The following SMYD3 variants were observed in gnomAD, a reference collection of about 807,000 sequenced individuals.
SMYD3 encodes the protein histone-lysine N-methyltransferase SMYD3.
Under a neutral mutation model 57.7 loss-of-function variants are expected in SMYD3, and 36 were observed. That is an observed-to-expected ratio of 0.62 (90% CI 0.48 to 0.82). SMYD3 has a LOEUF of 0.82. SMYD3 is among the 40% of genes least tolerant of loss of function. The probability of loss-of-function intolerance (pLI) is 0.00; values close to 1 mark genes in which losing one functional copy is unlikely to be tolerated. For synonymous variants in SMYD3, 211 were observed against 195.0 expected, an observed-to-expected ratio of 1.08 and a Z score of -0.68; for missense variants, 515 against 538.8, an observed-to-expected ratio of 0.96 and a Z score of 0.44.
chr1:246,057,491 A>G (rs1338409362), intron 5 of SMYD3, among the ~76,000 whole-genome samples: 1 of 152,218 alleles, frequency 6.6e-6, no homozygotes, highest in Non-Finnish European at 1.5e-5. Context: ...GCAAATACGC[A>G]TATGAAAAGA....
chr1:246,451,776 C>T (rs2067636476), intron 1 of SMYD3, among the ~76,000 whole-genome samples: 1 of 152,162 alleles, frequency 6.6e-6, no homozygotes, highest in Admixed American at 6.5e-5. Context: ...CTCAATTTTG[C>T]TATGTAGTTA....
At chr1:245,779,165 G>GAAAAAA (rs369697643) in intron 10 of SMYD3, among the ~76,000 whole-genome samples, 2 of 126,538 alleles carry the variant, frequency 1.6e-5, no homozygotes, top group African/African-American at 2.6e-5. Context: ...GTCCCAAGGG[G>GAAAAAA]AAAAAAAAAA....
At chr1:246,304,602 C>T (rs576911893) in intron 5 of SMYD3, among the ~76,000 whole-genome samples, 56 of 152,228 alleles carry the variant, frequency 3.7e-4, no homozygotes, top group Middle Eastern at 6.8e-3. Context: ...AAGCCCAAAG[C>T]ATGAAAATCC....
intron 5 of SMYD3, among the ~76,000 whole-genome samples, chr1:245,983,082 A>C (rs888286018): frequency 6.6e-6 from 1 of 152,120 alleles, no homozygotes; most frequent in Non-Finnish European, 1.5e-5. Context: ...TTCCAACGTG[A>C]TCTTTCCCCC....
chr1:246,355,120 A>C lies in SMYD3; in HGVS notation c.165-26T>G. The C allele has an allele frequency of 6.2e-7, 1 of 1,610,724 alleles. No individual in the cohort carries two copies. Among genetic ancestry groups the C allele is most frequent in the Non-Finnish European group, 8.5e-7 (1 of 1,176,942 alleles). On this transcript the variant is annotated intron_variant, in intron 1 of 11. Transcript: ENST00000490107. This position sits in a 1 kb window ranked among gnomAD's most constrained non-coding sequence, Gnocchi z 5.0. ...CTGTGGGGAAAAAAATTAATTCTGC[A>C]TTAAGAAATGAGTGGGAAACATAGT...
At chr1:246,364,261 A>G (rs185241398) in intron 1 of SMYD3, among the ~76,000 whole-genome samples, 1 of 152,266 alleles carries the variant, frequency 6.6e-6, no homozygotes, top group East Asian at 1.9e-4. Flanking sequence ...AAATAAAAAC[A>G]ATAAATCTGA....
intron 5 of SMYD3, among the ~76,000 whole-genome samples, chr1:246,097,142 T>A (rs60679751): frequency 0.032 from 4,910 of 152,274 alleles, 272 homozygotes; most frequent in African/African-American, 0.11. Context: ...CAAAGAAACG[T>A]CATTCTGATC....
intron 1 of SMYD3, among the ~76,000 whole-genome samples, chr1:246,434,124 T>G (rs2067336081): frequency 6.6e-6 from 1 of 152,176 alleles, no homozygotes; most frequent in South Asian, 2.1e-4. Flanking sequence ...TAAGTCAAGA[T>G]GGATAAGATT....
chr1:245,951,274 C>T (rs909444199), intron 5 of SMYD3, among the ~76,000 whole-genome samples: 9 of 151,794 alleles, frequency 5.9e-5, no homozygotes, highest in Non-Finnish European at 1.3e-4. Flanking sequence ...GCTGCTTTAC[C>T]GCGATGCACA....
intron 5 of SMYD3, among the ~76,000 whole-genome samples, chr1:246,194,245 A>G (rs983016626): frequency 2.6e-5 from 4 of 151,812 alleles, no homozygotes; most frequent in Admixed American, 1.3e-4. Context: ...AACACTTCAT[A>G]TACTACAGTT....
chr1:246,271,398 GC>G (rs2064219324), intron 5 of SMYD3, among the ~76,000 whole-genome samples: 1 of 151,974 alleles, frequency 6.6e-6, no homozygotes, highest in Non-Finnish European at 1.5e-5. Context: ...TGAAGCTTCT[GC>G]CCTATGTTTT....
intron 5 of SMYD3, among the ~76,000 whole-genome samples, chr1:246,095,864 G>A (rs764300530): frequency 1.3e-5 from 2 of 152,092 alleles, no homozygotes; most frequent in Non-Finnish European, 2.9e-5. Flanking sequence ...CAACAGGCAA[G>A]ACCCTGTGTC....
At chr1:246,260,433 T>C (rs897874578) in intron 5 of SMYD3, among the ~76,000 whole-genome samples, 2 of 150,752 alleles carry the variant, frequency 1.3e-5, no homozygotes, top group Non-Finnish European at 2.9e-5. Context: ...TTTGTTGTTG[T>C]TGTTGTTGTT....
chr1:246,370,122 G>T (rs2066170100), intron 1 of SMYD3, among the ~76,000 whole-genome samples: 1 of 152,126 alleles, frequency 6.6e-6, no homozygotes, highest in African/African-American at 2.4e-5. Flanking sequence ...TCCTTGTGGA[G>T]CCTGTGCCAT....
chr1:246,237,147 G>A (rs2063525828), intron 5 of SMYD3, among the ~76,000 whole-genome samples: 1 of 152,142 alleles, frequency 6.6e-6, no homozygotes. Flanking sequence ...AGTAGGCGCA[G>A]AAAGGACTTC....
intron 10 of SMYD3, among the ~76,000 whole-genome samples, chr1:245,843,932 T>C (rs532116343): frequency 2.0e-5 from 3 of 152,338 alleles, no homozygotes; most frequent in African/African-American, 7.2e-5. Flanking sequence ...TTGGGTACAA[T>C]TCCAACAGGT....
intron 1 of SMYD3, among the ~76,000 whole-genome samples, chr1:246,504,928 G>A (rs4654117): frequency 0.47 from 71,270 of 152,030 alleles, 17,622 homozygotes; most frequent in African/African-American, 0.61. Context: ...CAAACAATGC[G>A]CTAACATTTC....
intron 1 of SMYD3, among the ~76,000 whole-genome samples, chr1:246,487,222 G>A (rs2068201952): frequency 6.6e-6 from 1 of 152,086 alleles, no homozygotes; most frequent in African/African-American, 2.4e-5. Flanking sequence ...CCAAGCGAGT[G>A]GATCACTTGA....
At chr1:246,462,182 G>A (rs1346550285) in intron 1 of SMYD3, among the ~76,000 whole-genome samples, 1 of 143,088 alleles carries the variant, frequency 7.0e-6, no homozygotes, top group Non-Finnish European at 1.6e-5. Context: ...GAATTCGCCT[G>A]CTGGGTACAG....
Sources: allele counts gnomAD v4.1 joint callset (sites outside exome capture counted in the v4.1 genomes callset), GRCh38; gene constraint gnomAD v4.1.1; non-coding constraint Gnocchi (gnomAD v3.1); transcripts MANE v1.5; gene names NCBI Gene and HGNC (gene_info 2026-07-23, HGNC 2026-07-21).